TMEM62: variants seen among roughly 807,000 people sequenced by gnomAD.
TMEM62 encodes transmembrane protein 62.
A neutral mutation model predicts 70.4 loss-of-function variants in TMEM62; 41 were observed. The observed-to-expected ratio is 0.58, with a 90% CI of 0.45 to 0.76. TMEM62 has a LOEUF of 0.76. Among genes scored for constraint, TMEM62 ranks in the 30% least tolerant of loss-of-function variants. TMEM62 has a pLI of 0.00. For missense variants in TMEM62, 688 were observed against 788.5 expected (o/e 0.87, Z 1.53); for synonymous variants, 268 against 291.0 (o/e 0.92, Z 0.80).
chr15:43,184,500 C>T lies in TMEM62; in HGVS notation c.1846C>T (p.Pro616Ser). 1 of 1,613,968 alleles carries T rather than the reference C, an allele frequency of 6.2e-7. No individual in the cohort carries two copies. Among genetic ancestry groups the T allele is most frequent in the South Asian group, 1.1e-5 (1 of 91,082 alleles). ...PLRTWLTLLT[P>S]VLIRYVWTLN... ...GCGGACCTGGTTGACACTGCTGACA[C>T]CTGTTCTCATTCGTTATGTGTGGAC... The change falls in exon 14 of 14, where the codon CCT (proline) becomes TCT (serine). Residue 616 changes from proline (P) to serine (S), a missense_variant. Transcript: ENST00000260403.
chr15:43,143,480 T>C (rs2036308818), intron 4 of TMEM62, among the ~76,000 whole-genome samples: 1 of 152,274 alleles, frequency 6.6e-6, no homozygotes. Context: ...GCATGCAGTT[T>C]AATGCTTTGT....
In TMEM62 at chr15:43,184,428, T is replaced by C. The variant is rs2041700613; in HGVS notation, c.1774T>C (p.Phe592Leu). 5.6e-6 allele frequency: 9 copies of C among 1,614,118 alleles called. No individual in the cohort carries two copies. The highest frequency in any genetic ancestry group is 7.6e-6 in the Non-Finnish European group (9 of 1,180,030). ...LYIWQVYSCY[F>L]LYATYGTLAF... is the part of the protein sequence containing the mutation. ...CATCTGGCAGGTTTATTCCTGCTACTTTCTTTATGCAACATACGGCACCCT... is the reference window on the plus strand; with the variant it reads ...CATCTGGCAGGTTTATTCCTGCTACCTTCTTTATGCAACATACGGCACCCT... The change falls in exon 14 of 14, where the codon TTT becomes CTT. Residue 592 changes from phenylalanine to leucine, a missense_variant. Physicochemically the swap from Phe to Leu is conservative, Grantham distance 22. Coordinates refer to ENST00000260403, the MANE Select transcript of TMEM62 (RefSeq NM_024956.4).
At chr15:43,147,012 G>GCA (rs1473949134) in intron 5 of TMEM62, among the ~76,000 whole-genome samples, 7 of 152,144 alleles carry the variant, frequency 4.6e-5, no homozygotes, top group Non-Finnish European at 8.8e-5. Context: ...CGGCCAGGCT[G>GCA]GAGTGCAGTG....
chr15:43,158,736 C>A (rs1019829301), intron 9 of TMEM62, among the ~76,000 whole-genome samples: 2 of 152,254 alleles, frequency 1.3e-5, no homozygotes, highest in African/African-American at 4.8e-5. Flanking sequence ...AGTTCACACA[C>A]AAAATGCAAG....
At chr15:43,141,522 T>C (rs2036008224) in intron 4 of TMEM62, among the ~76,000 whole-genome samples, 1 of 152,196 alleles carries the variant, frequency 6.6e-6, no homozygotes, top group Non-Finnish European at 1.5e-5. Context: ...ACGCAAGAGC[T>C]CTGAGGAAGA....
chr15:43,144,480 A>G (rs2036429359), intron 4 of TMEM62, among the ~76,000 whole-genome samples: 1 of 152,246 alleles, frequency 6.6e-6, no homozygotes, highest in Non-Finnish European at 1.5e-5. Context: ...CCCACAATAA[A>G]AAAGGAAAAA....
In TMEM62 at chr15:43,168,093, CG is replaced by C. The variant is rs1307853238; in HGVS notation, c.1297-1498del. On this transcript the variant is annotated intron_variant, in intron 10 of 13. Coordinates refer to ENST00000260403, the MANE Select transcript of TMEM62 (RefSeq NM_024956.4). ...GCAGCGGTACAGTCCAGCTTCGGCT[CG>C]GCATCAGAGGGAGACTGTGGAAAGA... Among the ~76,000 whole-genome samples the C allele has an allele frequency of 8.2e-5, 12 of 145,886 alleles. No individual in the cohort carries two copies. The East Asian group carries it at 2.3e-3, about 29-fold the overall frequency.
At chr15:43,184,214 C>G (rs1387928879) in intron 13 of TMEM62, 46 bp from the exon 14 acceptor site, 1 of 1,535,426 alleles carries the variant, frequency 6.5e-7, no homozygotes, top group Admixed American at 1.9e-5. Context: ...TAAGACCAAA[C>G]TCTTCCAAGG....
intron 13 of TMEM62, among the ~76,000 whole-genome samples, chr15:43,183,695 G>A (rs778446300): frequency 6.6e-6 from 1 of 151,220 alleles, no homozygotes. Context: ...GCTCTATGAC[G>A]GACCTTTTCT....
chr15:43,138,988 G>A (rs1416481018), intron 4 of TMEM62, among the ~76,000 whole-genome samples: 2 of 151,934 alleles, frequency 1.3e-5, no homozygotes, highest in African/African-American at 4.8e-5. Context: ...GGCATACCTC[G>A]TTTTATTATG....
At chr15:43,163,190 T>TAA (rs5812240) in intron 10 of TMEM62, among the ~76,000 whole-genome samples, 3 of 150,626 alleles carry the variant, frequency 2.0e-5, no homozygotes, top group African/African-American at 4.9e-5. Context: ...AAAATAAAAA[T>TAA]AAAAAAAAAG....
At chr15:43,168,209 G>C (rs1279609562) in intron 10 of TMEM62, among the ~76,000 whole-genome samples, 2 of 149,560 alleles carry the variant, frequency 1.3e-5, no homozygotes, top group African/African-American at 2.5e-5. Context: ...GAGAGGGAGA[G>C]GGAGAGGGGT....
chr15:43,184,167 A>C, intron 13 of TMEM62, 93 bp from the exon 14 acceptor site: 1 of 1,124,810 alleles, frequency 8.9e-7, no homozygotes, highest in Non-Finnish European at 1.3e-6. Flanking sequence ...CAAGACAGAT[A>C]GCAGCATAGT....
In TMEM62 at chr15:43,160,586, G is replaced by C. The variant is rs2038579199; in HGVS notation, c.1183-95G>C. The C allele has an allele frequency of 6.2e-6, 4 of 643,792 alleles. No individual in the cohort carries two copies. In the South Asian group the frequency reaches 8.9e-5, roughly 14 times the overall value. 39.9% of individuals were successfully genotyped at this position (643,792 alleles called of 1,614,324 possible). ...CAACAACAATAACAACAACAACAAA[G>C]TGTAGTTATTAGAAACCTATTCTTA... On this transcript the variant is annotated intron_variant, in intron 9 of 13. Coordinates refer to ENST00000260403, the MANE Select transcript of TMEM62 (RefSeq NM_024956.4).
At chr15:43,133,360 C>G (rs1436584159), upstream of TMEM62, 1 of 160,874 alleles carries the variant, frequency 6.2e-6, no homozygotes, top group Non-Finnish European at 1.3e-5. Context: ...TACAACAACC[C>G]TGCAAAGTGC....
At chr15:43,171,642 G>A (rs1242439390) in intron 11 of TMEM62, among the ~76,000 whole-genome samples, 1 of 90,140 alleles carries the variant, frequency 1.1e-5, no homozygotes, top group South Asian at 3.4e-4. Flanking sequence ...TTTTGTGTGT[G>A]TGTGACCTGG....
intron 13 of TMEM62, 40 bp from the exon 14 acceptor site, chr15:43,184,220 C>G (rs1162572162): frequency 6.4e-7 from 1 of 1,555,724 alleles, no homozygotes; most frequent in Admixed American, 1.8e-5. Context: ...CAAACTCTTC[C>G]AAGGACTTGG....
chr15:43,158,953 C>T (rs1184719813), intron 9 of TMEM62, among the ~76,000 whole-genome samples: 1 of 152,132 alleles, frequency 6.6e-6, no homozygotes, highest in Non-Finnish European at 1.5e-5. Context: ...ATTGTTCCAC[C>T]TTTGGCTAGT....
intron 4 of TMEM62, among the ~76,000 whole-genome samples, chr15:43,142,578 C>T (rs1044291690): frequency 2.0e-5 from 3 of 152,146 alleles, no homozygotes; most frequent in African/African-American, 7.2e-5. Context: ...CAGCCACCAA[C>T]GTCAAAACAA....
Sources: gnomAD v4.1 joint callset for allele counts (sites outside exome capture counted in the v4.1 genomes callset) on GRCh38, gnomAD v4.1.1 for gene constraint, MANE v1.5 for transcripts, NCBI Gene and HGNC (gene_info 2026-07-23, HGNC 2026-07-21) for gene names.